LRR1: variants seen among roughly 807,000 people sequenced by gnomAD.
The protein encoded by LRR1 is leucine rich repeat protein 1.
Under a neutral mutation model 31.6 loss-of-function variants are expected in LRR1, and 29 were observed. That is an observed-to-expected ratio of 0.92 (90% CI 0.68 to 1.25). LRR1 has a LOEUF of 1.25. LRR1 is among the 50% of genes most tolerant of loss of function. The pLI, the probability that LRR1 is intolerant of heterozygous loss-of-function variation, is 0.00. For missense variants in LRR1, 485 were observed against 487.2 expected (o/e 1.00, Z 0.04); for synonymous variants, 179 against 181.4 (o/e 0.99, Z 0.10).
At chr14:49,600,531 A>T in intron 1 of LRR1, 2 of 1,569,278 alleles carry the variant, frequency 1.3e-6, no homozygotes, top group Admixed American at 3.4e-5. Flanking sequence ...TGAGGCTATC[A>T]TAGCCATTTT....
chr14:49,614,263 T>A lies in LRR1; in HGVS notation c.1012T>A (p.Tyr338Asn). 1.2e-6 allele frequency: 2 copies of A among 1,612,480 alleles called. No homozygotes were observed. The highest frequency in any genetic ancestry group is 1.7e-6 in the Non-Finnish European group (2 of 1,179,534). Residue 338 changes from tyrosine to asparagine, a missense_variant, in exon 4 of 4, where the codon TAT becomes AAT. Tyr to Asn is a moderately radical substitution (Grantham distance 143, BLOSUM62 -2). Transcript: ENST00000298288. ...ARTILHNRIP[Y>N]GSHIIPFHLC... The stretch of plus-strand genomic sequence containing the variant: ...TATCATTCTTTCCAATAGGATTCCA[T>A]ATGGCTCTCATATCATTCCATTCCA...
intron 3 of LRR1, among the ~76,000 whole-genome samples, chr14:49,608,406 ATTTTTTTTTTTTTTTTTTTTTTTTTTTT>A (rs71408651): frequency 3.3e-4 from 7 of 21,068 alleles, no homozygotes; most frequent in East Asian, 4.7e-3. Context: ...ACATTGCTTG[ATTTTTTTTTTTTTTTTTTTTTTTTTTTT>A]TTTTTTTTTT....
At chr14:49,601,444 A>C (rs1300906955) in intron 1 of LRR1, 3 of 528,768 alleles carry the variant, frequency 5.7e-6, no homozygotes, top group East Asian at 6.5e-5. Flanking sequence ...ATGCAACAGC[A>C]ATCATTAATT....
In LRR1 at chr14:49,607,912, T is replaced by C. The variant is rs956992727; in HGVS notation, c.795T>C (p.Pro265=). ...KLDDNELIQF[P]CKIGQLINLR... ...ACGATAATGAATTGATTCAATTTCC[T>C]TGCAAGATAGGACAACTAATAAACC... The change falls in exon 3 of 4, where the codon CCT becomes CCC. Residue 265 remains proline (P), a synonymous_variant. Transcript: ENST00000298288. 4 of 1,613,566 alleles carry C rather than the reference T, an allele frequency of 2.5e-6. No homozygotes were observed. Among genetic ancestry groups the C allele is most frequent in the Non-Finnish European group, 3.4e-6 (4 of 1,179,726 alleles).
chr14:49,605,409 T>G (rs374437992), intron 2 of LRR1, among the ~76,000 whole-genome samples: 1 of 152,182 alleles, frequency 6.6e-6, no homozygotes, highest in Non-Finnish European at 1.5e-5. Flanking sequence ...GAAAACAAAT[T>G]TCTAGAAAGA....
Position 49,614,461 on chromosome 14 carries a change from G to A in LRR1, c.1210G>A (p.Gly404Ser). ...APIISYFCSL[G>S]CYVNSSDMLK ...TATTATCTCTTATTTCTGTTCTCTAGGCTGTTATGTTAATTCCTCTGATAT... is the reference window on the plus strand; with the variant it reads ...TATTATCTCTTATTTCTGTTCTCTAAGCTGTTATGTTAATTCCTCTGATAT... Residue 404 changes from glycine (G) to serine (S), a missense_variant, in exon 4 of 4, where the codon GGC becomes AGC. Gly to Ser is a moderately conservative substitution (Grantham distance 56, BLOSUM62 0). Coordinates refer to ENST00000298288, the MANE Select transcript of LRR1 (RefSeq NM_152329.4). 1 of 1,613,836 alleles carries A rather than the reference G, an allele frequency of 6.2e-7. No individual in the cohort carries two copies. The highest frequency in any genetic ancestry group is 2.2e-5 in the East Asian group (1 of 44,824).
At position 49,608,001 on chromosome 14, in the gene LRR1, C is replaced by T. The variant is rs147512785; in HGVS notation, c.884C>T (p.Ser295Phe). 1,458 of 1,613,966 alleles carry T rather than the reference C, an allele frequency of 9.0e-4. 10 individuals carry two copies. The highest frequency in any genetic ancestry group is 1.1e-4 in the Non-Finnish European group (126 of 1,179,998). The change falls in exon 3 of 4, where the codon TCC (serine) becomes TTC (phenylalanine). Residue 295 changes from serine to phenylalanine, a missense_variant. Coordinates refer to ENST00000298288, the MANE Select transcript of LRR1 (RefSeq NM_152329.4). Reference sequence around the variant, plus strand: ...TTGCCTAGTGAATTTAGAAATTTATCCCTTGAATACTTGGATCTTTTTGGA... The same window carrying T: ...TTGCCTAGTGAATTTAGAAATTTATTCCTTGAATACTTGGATCTTTTTGGA... Reference protein sequence around the residue: ...PFLPSEFRNLSLEYLDLFGNT... With the variant: ...PFLPSEFRNLFLEYLDLFGNT...
intron 1 of LRR1, chr14:49,601,617 C>G: frequency 7.8e-7 from 1 of 1,289,446 alleles, no homozygotes; most frequent in Non-Finnish European, 1.0e-6. Flanking sequence ...GGGAGGTGTG[C>G]CCACCCCAGG....
intron 2 of LRR1, among the ~76,000 whole-genome samples, chr14:49,606,049 T>C (rs900562894): frequency 2.0e-5 from 3 of 149,192 alleles, no homozygotes; most frequent in African/African-American, 7.5e-5. Context: ...TTTTTTTTTA[T>C]ATGGAGTCGC....
In LRR1 at chr14:49,599,191, G is replaced by C. The variant is rs779134608; in HGVS notation, c.171G>C (p.Gly57=). 1.6e-5 allele frequency: 26 copies of C among 1,606,240 alleles called. No homozygotes were observed. Among genetic ancestry groups the C allele is most frequent in the Non-Finnish European group, 2.2e-5 (26 of 1,176,914 alleles). The change falls in exon 1 of 4, where the codon GGG becomes GGC. Residue 57 remains glycine, a synonymous_variant. Coordinates refer to ENST00000298288, the MANE Select transcript of LRR1 (RefSeq NM_152329.4). ...TCTCCACCCTGAAGGACAAGCGCGG[G>C]ACCCGCTATGAGGTGCGTGAAGTGG... ...LLISTLKDKR[G]TRYELRENIE...
intron 2 of LRR1, chr14:49,603,601 G>A: frequency 1.9e-6 from 2 of 1,071,988 alleles, no homozygotes; most frequent in South Asian, 2.2e-5. Flanking sequence ...GAAGAGCTTG[G>A]TTCACTGCAA....
At position 49,614,577 on chromosome 14, in the gene LRR1, A is replaced by C. The variant is rs1226644508; in HGVS notation, c.*81A>C. ...GATTTTGCAGCGTCAAATTGGAGTAAGGGAAGATTTCTGTATACTTGCTGG... is the reference window on the plus strand; with the variant it reads ...GATTTTGCAGCGTCAAATTGGAGTACGGGAAGATTTCTGTATACTTGCTGG... On this transcript the variant is annotated 3_prime_UTR_variant, in exon 4 of 4. Transcript: ENST00000298288. 6.4e-7 allele frequency: 1 copy of C among 1,566,726 alleles called. No individual in the cohort carries two copies. The highest frequency in any genetic ancestry group is 1.3e-5 in the African/African-American group (1 of 74,108).
chr14:49,606,033 CT>C (rs544111582), intron 2 of LRR1, among the ~76,000 whole-genome samples: 2,079 of 124,274 alleles, frequency 0.017, 23 homozygotes, highest in African/African-American at 0.054. Flanking sequence ...TTTTTTTTTT[CT>C]TTTTTTTTTT....
intron 3 of LRR1, among the ~76,000 whole-genome samples, chr14:49,609,217 CTTTTTTTTT>C (rs746422046): frequency 7.1e-4 from 55 of 76,930 alleles, no homozygotes; most frequent in African/African-American, 2.7e-3. Flanking sequence ...ACACCTGGCC[CTTTTTTTTT>C]TTTTTTTTTT....
chr14:49,603,947 G>A (rs984494755), intron 2 of LRR1, among the ~76,000 whole-genome samples: 2 of 149,732 alleles, frequency 1.3e-5, no homozygotes, highest in Admixed American at 6.7e-5. Context: ...CACCTTGGCC[G>A]CCCAAAGTGC....
chr14:49,602,140 CTTTTTTTTTTTTTTT>C (rs71115383), intron 1 of LRR1, among the ~76,000 whole-genome samples: 6 of 60,296 alleles, frequency 1.0e-4, no homozygotes, highest in African/African-American at 3.6e-4. Context: ...AAAAAAACAA[CTTTTTTTTTTTTTTT>C]TTTTTTTTTT....
intron 3 of LRR1, chr14:49,612,576 G>A (rs1375783992): frequency 3.4e-6 from 4 of 1,175,720 alleles, no homozygotes; most frequent in Non-Finnish European, 3.2e-6. Context: ...GTCTTTTTAT[G>A]AAAAATTTAA....
At chr14:49,609,730 G>A (rs566101406) in intron 3 of LRR1, among the ~76,000 whole-genome samples, 7 of 150,480 alleles carry the variant, frequency 4.7e-5, no homozygotes, top group Admixed American at 2.0e-4. Context: ...TTTTGAGATG[G>A]AGTCTTGTTC....
At position 49,607,381 on chromosome 14, in the gene LRR1, A is replaced by T; in HGVS notation, c.283-19A>T. The T allele has an allele frequency of 2.0e-6, 3 of 1,528,002 alleles. No homozygotes were observed. The highest frequency in any genetic ancestry group is 2.6e-6 in the Non-Finnish European group (3 of 1,141,304). 94.7% of individuals were successfully genotyped at this position (1,528,002 alleles called of 1,614,324 possible). A position where few individuals can be genotyped will look rare whatever the true frequency, so the allele number is the denominator to read the frequency against. Reference sequence around the variant, plus strand: ...TATCTCCAGTGGAATTTATAATTCTACAACTTTTATTTATTCAGGCCATTT... The same window carrying T: ...TATCTCCAGTGGAATTTATAATTCTTCAACTTTTATTTATTCAGGCCATTT... On this transcript the variant is annotated intron_variant, in intron 2 of 3. Transcript: ENST00000298288.
Sources: allele counts gnomAD v4.1 joint callset (sites outside exome capture counted in the v4.1 genomes callset), GRCh38; gene constraint gnomAD v4.1.1; transcripts MANE v1.5; gene names NCBI Gene and HGNC (gene_info 2026-07-23, HGNC 2026-07-21).